PARPBP: variants seen among roughly 807,000 people sequenced by gnomAD.
PARPBP encodes the protein PCNA-interacting partner.
Under a neutral mutation model 50.0 loss-of-function variants are expected in PARPBP, and 52 were observed. That is an observed-to-expected ratio of 1.04 (90% CI 0.83 to 1.31). The LOEUF (loss-of-function observed/expected upper bound fraction) is 1.31, where lower values mean the gene tolerates loss of function less well. Ranked by LOEUF, PARPBP falls within the 50% of genes most tolerant of loss-of-function variation. PARPBP has a pLI of 0.00. For missense variants in PARPBP, 697 were observed against 672.0 expected (o/e 1.04, Z -0.41); for synonymous variants, 244 against 232.1 (o/e 1.05, Z -0.47).
intron 2 of PARPBP, among the ~76,000 whole-genome samples, chr12:102,141,931 G>T (rs755970485): frequency 2.2e-4 from 33 of 152,122 alleles, no homozygotes; most frequent in African/African-American, 6.5e-4. Flanking sequence ...TTTTCCTTCA[G>T]TTCAACTTTG....
intron 9 of PARPBP, among the ~76,000 whole-genome samples, chr12:102,185,609 T>C (rs1413143029): frequency 2.0e-5 from 3 of 152,180 alleles, no homozygotes; most frequent in Non-Finnish European, 4.4e-5. Context: ...AAATGTTTGC[T>C]AAAATTCAGT....
chr12:102,176,864 C>A (rs1162456194), intron 7 of PARPBP, among the ~76,000 whole-genome samples: 1 of 152,176 alleles, frequency 6.6e-6, no homozygotes. Context: ...CTGTGTATTT[C>A]ATGGGTGTTA....
Position 102,196,983 on chromosome 12 carries a change from T to C in PARPBP, c.*692T>C. 25 of 1,610,530 alleles carry C rather than the reference T, an allele frequency of 1.6e-5. No homozygotes were observed. Among genetic ancestry groups the C allele is most frequent in the Non-Finnish European group, 2.0e-5 (24 of 1,177,482 alleles). ...GAAAAGACTACTCACTGTCAAAATCTCTCCTTCCTATAGGAAATTTAGCTG... is the reference window on the plus strand; with the variant it reads ...GAAAAGACTACTCACTGTCAAAATCCCTCCTTCCTATAGGAAATTTAGCTG... On this transcript the variant is annotated 3_prime_UTR_variant, in exon 11 of 11. Transcript: ENST00000327680.
chr12:102,178,561 TA>T, intron 7 of PARPBP, 30 bp from the exon 8 acceptor site: 1 of 1,489,228 alleles, frequency 6.7e-7, no homozygotes, highest in Non-Finnish European at 9.1e-7. Context: ...GGGTGATTAT[TA>T]CATTTACCTA....
Position 102,120,225 on chromosome 12 carries a change from G to A in PARPBP, c.-65G>A, listed in dbSNP as rs1044870532. 6 of 222,198 alleles carry A rather than the reference G, an allele frequency of 2.7e-5. No individual in the cohort carries two copies. Among genetic ancestry groups the A allele is most frequent in the Admixed American group, 5.4e-5 (1 of 18,434 alleles). The allele number at this position is 222,198 out of a possible 1,614,324, so 13.8% of individuals were successfully genotyped here. On this transcript the variant is annotated 5_prime_UTR_variant, in exon 1 of 11. Coordinates refer to ENST00000327680, the MANE Select transcript of PARPBP (RefSeq NM_017915.5). ...CGGCGACTGCGGCGGCCGCGGGAGGGCATCCCGTTGGGGATCCTTCCGCAC... is the reference window on the plus strand; with the variant it reads ...CGGCGACTGCGGCGGCCGCGGGAGGACATCCCGTTGGGGATCCTTCCGCAC...
At chr12:102,142,930 T>G (rs1238859096) in intron 2 of PARPBP, among the ~76,000 whole-genome samples, 1 of 152,222 alleles carries the variant, frequency 6.6e-6, no homozygotes, top group Non-Finnish European at 1.5e-5. Flanking sequence ...CTTAGGCTAC[T>G]TGGTGTTCAG....
At chr12:102,176,634 G>A (rs755332939) in intron 7 of PARPBP, among the ~76,000 whole-genome samples, 4 of 152,004 alleles carry the variant, frequency 2.6e-5, no homozygotes, top group African/African-American at 4.8e-5. Flanking sequence ...AGTATAGTTC[G>A]TTTATTGCAA....
At chr12:102,139,515 C>T (rs559437539) in intron 2 of PARPBP, among the ~76,000 whole-genome samples, 1 of 152,328 alleles carries the variant, frequency 6.6e-6, no homozygotes, top group Non-Finnish European at 1.5e-5. Context: ...ACTTCCAACA[C>T]TATGTTGACT....
chr12:102,152,370 A>G (rs752573188), intron 3 of PARPBP, among the ~76,000 whole-genome samples: 15 of 152,212 alleles, frequency 9.9e-5, no homozygotes, highest in Admixed American at 2.0e-4. Context: ...GGGAGCACCC[A>G]CATTTCTTTT....
chr12:102,147,436 AATC>A (rs1885531649), intron 2 of PARPBP, among the ~76,000 whole-genome samples: 1 of 152,008 alleles, frequency 6.6e-6, no homozygotes, highest in African/African-American at 2.4e-5. Flanking sequence ...TGAAATTGGA[AATC>A]ATCATTCTCA....
chr12:102,172,267 C>T (rs1332179104), intron 6 of PARPBP, among the ~76,000 whole-genome samples: 1 of 152,216 alleles, frequency 6.6e-6, no homozygotes, highest in African/African-American at 2.4e-5. Context: ...AATATATCTT[C>T]TGGGAAGCAC....
intron 2 of PARPBP, among the ~76,000 whole-genome samples, chr12:102,135,100 G>A (rs1055351475): frequency 2.6e-5 from 4 of 152,142 alleles, no homozygotes; most frequent in African/African-American, 9.7e-5. Flanking sequence ...CTGGGCCTGA[G>A]AATTAAATTG....
chr12:102,150,701 T>C (rs1886071830), intron 3 of PARPBP, among the ~76,000 whole-genome samples: 2 of 152,204 alleles, frequency 1.3e-5, no homozygotes, highest in South Asian at 4.1e-4. Flanking sequence ...TGAGCAAGTA[T>C]CTGGAAGACA....
At chr12:102,126,987 A>G (rs569572335) in intron 2 of PARPBP, among the ~76,000 whole-genome samples, 1 of 152,290 alleles carries the variant, frequency 6.6e-6, no homozygotes, top group African/African-American at 2.4e-5. Context: ...CTTTTGTGTT[A>G]TGAATAGTTT....
At chr12:102,159,626 T>A (rs1719246549) in intron 4 of PARPBP, among the ~76,000 whole-genome samples, 1 of 152,196 alleles carries the variant, frequency 6.6e-6, no homozygotes, top group Non-Finnish European at 1.5e-5. Flanking sequence ...TACTAAACCA[T>A]TGCTTTTAAA....
intron 2 of PARPBP, among the ~76,000 whole-genome samples, chr12:102,147,460 G>A (rs1435140600): frequency 1.3e-5 from 2 of 150,602 alleles, no homozygotes; most frequent in South Asian, 2.1e-4. Flanking sequence ...GTAAACTATC[G>A]CAAGGACAAA....
chr12:102,160,350 A>G (rs552316089), intron 4 of PARPBP, among the ~76,000 whole-genome samples: 1 of 152,340 alleles, frequency 6.6e-6, no homozygotes, highest in African/African-American at 2.4e-5. Context: ...CTGGTTTTGT[A>G]CCCAATTAGG....
chr12:102,146,205 GA>G (rs1180352604), intron 2 of PARPBP, among the ~76,000 whole-genome samples: 3 of 152,016 alleles, frequency 2.0e-5, no homozygotes, highest in African/African-American at 4.8e-5. Flanking sequence ...CACAGAATTG[GA>G]AAAAAATTAC....
chr12:102,144,985 A>G (rs935925327), intron 2 of PARPBP, among the ~76,000 whole-genome samples: 1 of 152,174 alleles, frequency 6.6e-6, no homozygotes, highest in Non-Finnish European at 1.5e-5. Flanking sequence ...TCATGACACA[A>G]CAGGCCCCTG....
Sources: allele counts gnomAD v4.1 joint callset (sites outside exome capture counted in the v4.1 genomes callset), GRCh38; gene constraint gnomAD v4.1.1; transcripts MANE v1.5; gene names NCBI Gene and HGNC (gene_info 2026-07-23, HGNC 2026-07-21).